TRPM3: variants seen among roughly 807,000 people sequenced by gnomAD.
TRPM3 encodes long transient receptor potential channel 3.
Under a neutral mutation model 181.2 loss-of-function variants are expected in TRPM3, and 77 were observed. The observed-to-expected ratio is 0.42, with a 90% CI of 0.35 to 0.51. The LOEUF (loss-of-function observed/expected upper bound fraction) is 0.51. Ranked by LOEUF, TRPM3 falls within the 20% of genes least tolerant of loss-of-function variation. The pLI is 0.01. For missense variants in TRPM3, 1,759 were observed against 2,196.7 expected (o/e 0.80, Z 3.98); for synonymous variants, 745 against 796.4 (o/e 0.94, Z 1.09).
At chr9:70,622,198 C>G (rs2063736120) in intron 14 of TRPM3, among the ~76,000 whole-genome samples, 1 of 152,094 alleles carries the variant, frequency 6.6e-6, no homozygotes, top group African/African-American at 2.4e-5. Context: ...CAGGCTCTCA[C>G]CAGACACTAA....
intron 1 of TRPM3, among the ~76,000 whole-genome samples, chr9:71,435,620 T>C (rs1187422293): frequency 1.3e-5 from 2 of 152,208 alleles, no homozygotes; most frequent in Non-Finnish European, 2.9e-5. Context: ...GAGAGAATCA[T>C]TCAACACCAT....
intron 9 of TRPM3, among the ~76,000 whole-genome samples, chr9:70,678,025 T>C (rs534601135): frequency 2.6e-4 from 39 of 152,162 alleles, no homozygotes; most frequent in African/African-American, 9.2e-4. Flanking sequence ...AATTATTTGT[T>C]GTTTATCTGA....
rs377637522 is a variant in TRPM3, at chr9:70,536,334, G to A, written c.4779C>T (p.Cys1593=). 76 of 1,614,122 alleles carry A rather than the reference G, an allele frequency of 4.7e-5. No homozygotes were observed. The East Asian group carries it at 1.1e-3, about 23-fold the overall frequency. The change falls in exon 26 of 26, where the codon TGC becomes TGT. Residue 1593 remains cysteine, a synonymous_variant. Coordinates refer to ENST00000677713, the MANE Select transcript of TRPM3 (RefSeq NM_001366145.2). ...GTTCTGCTTCTCGCTCTGGATGGCA[G>A]CAAGTTAAGTCCTCCACTTTGTCTC... ...GLGDKVEDLT[C]CHPEREAELS...
At chr9:71,019,453 A>G (rs1310670418) in intron 1 of TRPM3, among the ~76,000 whole-genome samples, 2 of 152,110 alleles carry the variant, frequency 1.3e-5, no homozygotes, top group Non-Finnish European at 1.5e-5. Context: ...TATATCATCA[A>G]TTACTGAGTA....
intron 6 of TRPM3, among the ~76,000 whole-genome samples, chr9:70,814,954 C>T (rs1359658013): frequency 1.3e-5 from 2 of 148,346 alleles, no homozygotes; most frequent in East Asian, 2.1e-4. Flanking sequence ...AATATTTTCT[C>T]ATTGTAAAAA....
chr9:70,680,957 C>T (rs746898322), intron 9 of TRPM3, among the ~76,000 whole-genome samples: 14 of 152,136 alleles, frequency 9.2e-5, no homozygotes, highest in South Asian at 2.1e-4. Context: ...CAAGTTACAA[C>T]GCAGAGTATT....
chr9:71,032,068 T>A (rs7024690), intron 1 of TRPM3, among the ~76,000 whole-genome samples: 1 of 6,310 alleles, frequency 1.6e-4, no homozygotes, highest in Non-Finnish European at 2.2e-4. Flanking sequence ...TTATATATAT[T>A]ATATTATATT....
chr9:71,164,479 G>A (rs924362865), intron 1 of TRPM3, among the ~76,000 whole-genome samples: 4 of 152,230 alleles, frequency 2.6e-5, no homozygotes, highest in South Asian at 2.1e-4. Flanking sequence ...GCCTGCTTGC[G>A]CTGTTGCTCC....
chr9:71,422,191 G>T (rs1239547591), intron 1 of TRPM3, among the ~76,000 whole-genome samples: 2 of 151,856 alleles, frequency 1.3e-5, no homozygotes, highest in South Asian at 2.1e-4. Context: ...CCCTGCAGTG[G>T]TCAATATCAC....
intron 22 of TRPM3, among the ~76,000 whole-genome samples, chr9:70,579,945 T>C (rs1361791073): frequency 6.6e-6 from 1 of 152,196 alleles, no homozygotes; most frequent in Admixed American, 6.5e-5. Context: ...TGCTGAGCCA[T>C]CAGCTTCCAC....
intron 1 of TRPM3, among the ~76,000 whole-genome samples, chr9:71,010,452 C>G (rs2097724244): frequency 6.6e-6 from 1 of 151,780 alleles, no homozygotes; most frequent in Non-Finnish European, 1.5e-5. Context: ...TGAAAAATGC[C>G]CAAAATACCT....
rs369707943 is a variant in TRPM3, at chr9:71,121,386, T to C, written c.-32A>G. 3.1e-6 allele frequency: 5 copies of C among 1,607,898 alleles called. No individual in the cohort carries two copies. The South Asian group carries it at 3.3e-5, about 11-fold the overall frequency. The stretch of plus-strand genomic sequence containing the variant: ...GTCATCTCCACACCTGCAAATTCCA[T>C]TAGGGCAGAGGCTTCCTGGAACTTG... On this transcript the variant is annotated 5_prime_UTR_variant, in exon 1 of 26. It removes an upstream start codon present in the reference 5' UTR. Transcript: ENST00000677713.
intron 22 of TRPM3, among the ~76,000 whole-genome samples, chr9:70,554,076 A>G (rs1276769245): frequency 6.6e-6 from 1 of 150,994 alleles, no homozygotes; most frequent in African/African-American, 2.4e-5. Flanking sequence ...GGGGGAAAAA[A>G]AAAGCCTGGA....
At chr9:70,898,747 CAAAAAA>C (rs34952516) in intron 1 of TRPM3, among the ~76,000 whole-genome samples, 18 of 93,356 alleles carry the variant, frequency 1.9e-4, no homozygotes, top group Non-Finnish European at 2.5e-4. Flanking sequence ...GACTTCATCT[CAAAAAA>C]AAAAAAAAAA....
chr9:71,282,625 G>A lies in TRPM3; in HGVS notation c.183+164028C>T, dbSNP rs1247601003. ...ACATCTGTGAGCACCATCTGTATAG[G>A]AATTTAAAGTTAAAATTAATGGCAT... On this transcript the variant is annotated intron_variant, in intron 1 of 24. Coordinates refer to the TRPM3 transcript ENST00000357533. Among the ~76,000 whole-genome samples, 3 of 152,088 alleles carry A rather than the reference G, an allele frequency of 2.0e-5. No homozygotes were observed. In the South Asian group the frequency reaches 6.2e-4, roughly 32 times the overall value.
At chr9:71,425,203 T>C (rs1285171515) in intron 1 of TRPM3, among the ~76,000 whole-genome samples, 1 of 152,132 alleles carries the variant, frequency 6.6e-6, no homozygotes, top group Non-Finnish European at 1.5e-5. Context: ...TCATCCTAAT[T>C]AACATCATGT....
At chr9:71,363,650 T>G (rs2092237066) in intron 1 of TRPM3, among the ~76,000 whole-genome samples, 1 of 152,234 alleles carries the variant, frequency 6.6e-6, no homozygotes, top group African/African-American at 2.4e-5. Context: ...AATCTCATTT[T>G]CTAAGCTAAC....
intron 9 of TRPM3, among the ~76,000 whole-genome samples, chr9:70,671,496 G>A (rs1590085841): frequency 6.6e-6 from 1 of 151,892 alleles, no homozygotes; most frequent in East Asian, 1.9e-4. Flanking sequence ...AAATAATGAA[G>A]TACAAAACCA....
chr9:70,977,814 T>C (rs1474365001), intron 1 of TRPM3, among the ~76,000 whole-genome samples: 1 of 152,216 alleles, frequency 6.6e-6, no homozygotes, highest in Non-Finnish European at 1.5e-5. Flanking sequence ...GGAAGTGATG[T>C]ATAGGGCAAG....
Sources: gnomAD v4.1 joint callset for allele counts (sites outside exome capture counted in the v4.1 genomes callset) on GRCh38, gnomAD v4.1.1 for gene constraint, MANE v1.5 for transcripts, NCBI Gene and HGNC (gene_info 2026-07-23, HGNC 2026-07-21) for gene names.